The following MTUS2 variants were observed in gnomAD, a reference collection of about 807,000 sequenced individuals.
MTUS2 encodes the protein microtubule-associated tumor suppressor candidate 2.
MTUS2 carries 40 observed loss-of-function variants against 114.1 expected under a neutral mutation model. That is an observed-to-expected ratio of 0.35 (90% confidence interval 0.27 to 0.46). The LOEUF (loss-of-function observed/expected upper bound fraction) is 0.46, where lower values mean the gene tolerates loss of function less well. MTUS2 is among the 20% of genes least tolerant of loss of function. MTUS2 has a pLI of 1.00. For missense variants in MTUS2, 1,679 were observed against 1,705.4 expected (o/e 0.98, Z 0.27); for synonymous variants, 688 against 672.0 (o/e 1.02, Z -0.37).
At chr13:29,169,602 G>T (rs1346751175) in intron 5 of MTUS2, among the ~76,000 whole-genome samples, 1 of 152,174 alleles carries the variant, frequency 6.6e-6, no homozygotes, top group Non-Finnish European at 1.5e-5. Context: ...TATGATATAT[G>T]TGTATATATT....
chr13:29,095,952 G>T (rs1890161112), intron 4 of MTUS2, among the ~76,000 whole-genome samples: 1 of 151,926 alleles, frequency 6.6e-6, no homozygotes, highest in Non-Finnish European at 1.5e-5. Context: ...GTTTTTGACT[G>T]CTGGGTCTTT....
At position 29,295,248 on chromosome 13, in the gene MTUS2, TATGTATC is replaced by T. The variant is rs540712677; in HGVS notation, c.2806+13386_2806+13392del. ...AGAGTAGTGTATTAATCACCTCAAA[TATGTATC>T]ATTTCTATGTGTTAGGAACATTCGA... On this transcript the variant is annotated intron_variant, in intron 6 of 15. Coordinates refer to ENST00000612955, the MANE Select transcript of MTUS2 (RefSeq NM_001033602.4). 3.3e-5 allele frequency among the ~76,000 whole-genome samples: 5 copies of T among 152,282 alleles called. No homozygotes were observed. In the South Asian group the frequency reaches 1.0e-3, roughly 32 times the overall value.
intron 4 of MTUS2, among the ~76,000 whole-genome samples, chr13:29,041,636 T>C (rs1412426781): frequency 6.6e-6 from 1 of 152,172 alleles, no homozygotes. Flanking sequence ...TGTTTTGTAA[T>C]TTTCCTGGTA....
chr13:29,432,163 GT>G (rs1877048174), intron 8 of MTUS2, among the ~76,000 whole-genome samples: 1 of 152,102 alleles, frequency 6.6e-6, no homozygotes, highest in East Asian at 1.9e-4. Context: ...AAAGACCCAG[GT>G]TTTTAAACTT....
At chr13:28,874,492 A>C (rs1419640825) in intron 2 of MTUS2, among the ~76,000 whole-genome samples, 1 of 152,094 alleles carries the variant, frequency 6.6e-6, no homozygotes, top group African/African-American at 2.4e-5. Context: ...GACAGTTGTA[A>C]ACAGCAGTCA....
At chr13:28,926,573 C>T (rs991222404) in intron 2 of MTUS2, among the ~76,000 whole-genome samples, 2 of 152,148 alleles carry the variant, frequency 1.3e-5, no homozygotes, top group African/African-American at 4.8e-5. Context: ...TAAACTCAGT[C>T]ATGGGTACTG....
intron 10 of MTUS2, among the ~76,000 whole-genome samples, chr13:29,487,227 T>C (rs1232665971): frequency 1.3e-5 from 2 of 152,270 alleles, no homozygotes; most frequent in East Asian, 3.9e-4. Flanking sequence ...GAGAGAATCC[T>C]AAGGTGTTCG....
At chr13:29,189,375 A>C (rs1894354080) in intron 5 of MTUS2, among the ~76,000 whole-genome samples, 1 of 152,166 alleles carries the variant, frequency 6.6e-6, no homozygotes, top group South Asian at 2.1e-4. Context: ...TATTTATCTT[A>C]CATCATGGAG....
At chr13:29,211,261 G>A (rs963964057) in intron 5 of MTUS2, among the ~76,000 whole-genome samples, 2 of 152,180 alleles carry the variant, frequency 1.3e-5, no homozygotes, top group African/African-American at 2.4e-5. Context: ...GGGGAAAGCT[G>A]GCAGTGACAG....
chr13:29,321,987 G>C (rs952923607), intron 6 of MTUS2, among the ~76,000 whole-genome samples: 1 of 152,072 alleles, frequency 6.6e-6, no homozygotes, highest in African/African-American at 2.4e-5. Context: ...GTACTCCCTG[G>C]TTTGAATATG....
chr13:29,146,994 G>T (rs1200512201), intron 5 of MTUS2, among the ~76,000 whole-genome samples: 1 of 152,162 alleles, frequency 6.6e-6, no homozygotes. Context: ...TCACACTAAG[G>T]ACTAGTGAGT....
intron 2 of MTUS2, among the ~76,000 whole-genome samples, chr13:28,903,721 CAT>C (rs922851447): frequency 1.8e-4 from 27 of 150,032 alleles, no homozygotes; most frequent in African/African-American, 4.1e-4. Context: ...CCGCAATAAA[CAT>C]GTGTGCATGT....
At chr13:28,962,726 T>C (rs767863648) in intron 2 of MTUS2, among the ~76,000 whole-genome samples, 2 of 152,156 alleles carry the variant, frequency 1.3e-5, no homozygotes, top group South Asian at 2.1e-4. Flanking sequence ...AACCAAGATT[T>C]GGGAAGGTTA....
chr13:29,423,183 G>A (rs993496971), intron 8 of MTUS2, among the ~76,000 whole-genome samples: 2 of 152,188 alleles, frequency 1.3e-5, no homozygotes, highest in African/African-American at 4.8e-5. Context: ...TCCAAGAGAA[G>A]GAGCTGCTTC....
chr13:29,026,816 A>G lies in MTUS2; in HGVS notation c.2118A>G (p.Pro706=), dbSNP rs1321896573. 3 of 1,611,852 alleles carry G rather than the reference A, an allele frequency of 1.9e-6. No homozygotes were observed. Among genetic ancestry groups the G allele is most frequent in the East Asian group, 4.5e-5 (2 of 44,898 alleles). ...AATTCAAGCCAGACCTGCAGAAGCC[A>G]AGGGTCTTCAGTTCCGGATTGATGG... ...YEKFKPDLQK[P]RVFSSGLMVS... Residue 706 remains proline (P), a synonymous_variant, in exon 3 of 16, where the codon CCA becomes CCG. Coordinates refer to ENST00000612955, the MANE Select transcript of MTUS2 (RefSeq NM_001033602.4).
chr13:29,070,212 T>C (rs950463177), intron 4 of MTUS2, among the ~76,000 whole-genome samples: 1 of 152,100 alleles, frequency 6.6e-6, no homozygotes, highest in African/African-American at 2.4e-5. Flanking sequence ...TTCTGCTCTT[T>C]GTTTACCTTC....
chr13:29,259,828 T>C (rs928211857), intron 5 of MTUS2, among the ~76,000 whole-genome samples: 4 of 152,218 alleles, frequency 2.6e-5, no homozygotes, highest in Non-Finnish European at 5.9e-5. Context: ...CTAACCTTTC[T>C]TTAGTGTGTA....
At chr13:28,895,833 G>C in intron 2 of MTUS2, among the ~76,000 whole-genome samples, 1 of 152,142 alleles carries the variant, frequency 6.6e-6, no homozygotes, top group Non-Finnish European at 1.5e-5. Flanking sequence ...TAGTTGCACA[G>C]CCACATTTCA....
At chr13:29,441,548 A>AATGTGGCC (rs111497421) in intron 9 of MTUS2, among the ~76,000 whole-genome samples, 105,740 of 151,752 alleles carry the variant, frequency 0.7, 37,981 homozygotes, top group Non-Finnish European at 0.8. Flanking sequence ...TTTCTTCACC[A>AATGTGGCC]ATGTGGCCAC....
Sources: allele counts gnomAD v4.1 joint callset (sites outside exome capture counted in the v4.1 genomes callset), GRCh38; gene constraint gnomAD v4.1.1; transcripts MANE v1.5; gene names NCBI Gene and HGNC (gene_info 2026-07-23, HGNC 2026-07-21).